DIMT1: variants seen among roughly 807,000 people sequenced by gnomAD.
The protein encoded by DIMT1 is DIM1 rRNA methyltransferase and ribosome maturation factor.
In DIMT1, 36 loss-of-function variants were observed where a neutral mutation model predicts 43.2. That is an observed-to-expected ratio of 0.83 (90% CI 0.64 to 1.10). The LOEUF is 1.10. Among genes scored for constraint, DIMT1 ranks in the 50% least tolerant of loss-of-function variants. The pLI is 0.00. For synonymous variants in DIMT1, 126 were observed against 130.3 expected, an observed-to-expected ratio of 0.97 and a Z score of 0.22; for missense variants, 341 against 385.3, an observed-to-expected ratio of 0.88 and a Z score of 0.96.
chr5:62,392,509 T>TA (rs35382223), intron 9 of DIMT1, among the ~76,000 whole-genome samples: 33,770 of 151,216 alleles, frequency 0.22, 3,868 homozygotes, highest in Middle Eastern at 0.29. Flanking sequence ...AAAAATCCCC[T>TA]AAAAAAAAAT....
Position 62,403,800 on chromosome 5 carries a change from G to A in DIMT1, c.-28C>T, listed in dbSNP as rs1742803847. Reference sequence around the variant, plus strand: ...CGGCAGAAAGCGGGCCCACAGGCCCGGGACGTCAAGGAGGACCAAAGAGGG... The same window carrying A: ...CGGCAGAAAGCGGGCCCACAGGCCCAGGACGTCAAGGAGGACCAAAGAGGG... On this transcript the variant is annotated 5_prime_UTR_variant, in exon 1 of 12. Transcript: ENST00000199320. The A allele has an allele frequency of 1.9e-6, 3 of 1,604,626 alleles. No individual in the cohort carries two copies. The highest frequency in any genetic ancestry group is 1.1e-5 in the South Asian group (1 of 90,348).
In DIMT1 at chr5:62,403,780, G is replaced by A. The variant is rs1427954845; in HGVS notation, c.-8C>T. The A allele has an allele frequency of 1.2e-6, 2 of 1,609,948 alleles. No homozygotes were observed. Among genetic ancestry groups the A allele is most frequent in the Non-Finnish European group, 1.7e-6 (2 of 1,178,640 alleles). The stretch of plus-strand genomic sequence containing the variant: ...CGACTTGACCTTCGGCATCTCGGCA[G>A]AAAGCGGGCCCACAGGCCCGGGACG... On this transcript the variant is annotated 5_prime_UTR_variant, in exon 1 of 12. Coordinates refer to ENST00000199320, the MANE Select transcript of DIMT1 (RefSeq NM_014473.4).
Position 62,403,829 on chromosome 5 carries a change from G to A in DIMT1, c.-57C>T. On this transcript the variant is annotated 5_prime_UTR_variant, in exon 1 of 12. Coordinates refer to ENST00000199320, the MANE Select transcript of DIMT1 (RefSeq NM_014473.4). ...CGTCAAGGAGGACCAAAGAGGGCTA[G>A]CGTGAGAAAGCCACCACGTGGGGAT... 1.3e-6 allele frequency: 2 copies of A among 1,554,470 alleles called. No individual in the cohort carries two copies. The highest frequency in any genetic ancestry group is 1.4e-5 in the African/African-American group (1 of 73,098).
At chr5:62,393,084 T>G in intron 8 of DIMT1, 94 bp from the exon 9 acceptor site, 2 of 727,382 alleles carry the variant, frequency 2.7e-6, no homozygotes, top group Non-Finnish European at 4.4e-6. Flanking sequence ...TATATACAAT[T>G]GAAGGAAACT....
intron 10 of DIMT1, 42 bp downstream of exon 10, chr5:62,392,127 AAG>A (rs1159696128): frequency 1.9e-5 from 31 of 1,607,010 alleles, no homozygotes; most frequent in Non-Finnish European, 2.6e-5. Context: ...GACATTTTAA[AAG>A]AAAACAAATC....
At chr5:62,393,861 A>T in intron 8 of DIMT1, 94 bp downstream of exon 8, 1 of 1,044,822 alleles carries the variant, frequency 9.6e-7, no homozygotes, top group South Asian at 1.6e-5. Flanking sequence ...TTGAATATTT[A>T]GGTTGATTCA....
intron 10 of DIMT1, 126 bp downstream of exon 10, chr5:62,392,045 T>C (rs766147037): frequency 7.7e-5 from 121 of 1,570,936 alleles, no homozygotes; most frequent in Middle Eastern, 1.7e-4. Flanking sequence ...AGTTATACAT[T>C]ATATATTGTC....
chr5:62,393,119 T>C, intron 8 of DIMT1, 129 bp from the exon 9 acceptor site: 1 of 548,118 alleles, frequency 1.8e-6, no homozygotes, highest in Non-Finnish European at 3.1e-6. Context: ...AAATGTTCTG[T>C]AATCTTGATC....
At chr5:62,392,134 CAA>C (rs1200070040) in intron 10 of DIMT1, 35 bp downstream of exon 10, 9 of 1,606,274 alleles carry the variant, frequency 5.6e-6, no homozygotes, top group Non-Finnish European at 7.7e-6. Flanking sequence ...TAAAAGAAAA[CAA>C]ATCAATGAAA....
intron 9 of DIMT1, among the ~76,000 whole-genome samples, chr5:62,392,543 C>T (rs1244537932): frequency 2.6e-5 from 4 of 152,102 alleles, no homozygotes; most frequent in African/African-American, 9.7e-5. Context: ...AAAACTGTGT[C>T]TCACCTCTCT....
At chr5:62,403,653 C>T in intron 1 of DIMT1, 41 bp downstream of exon 1, 1 of 1,579,448 alleles carries the variant, frequency 6.3e-7, no homozygotes, top group Non-Finnish European at 8.6e-7. Context: ...TGCCGGAAGA[C>T]CTGACCCGAC....
At chr5:62,395,022 T>A (rs1037701975) in intron 6 of DIMT1, among the ~76,000 whole-genome samples, 1 of 147,238 alleles carries the variant, frequency 6.8e-6, no homozygotes, top group African/African-American at 2.4e-5. Flanking sequence ...TTAAAAGATG[T>A]AGACTTTTTT....
Position 62,393,943 on chromosome 5 carries a change from T to C in DIMT1, c.663+12A>G. 6.2e-7 allele frequency: 1 copy of C among 1,604,904 alleles called. No individual in the cohort carries two copies. The highest frequency in any genetic ancestry group is 1.7e-4 in the Middle Eastern group (1 of 5,974). On this transcript the variant is annotated intron_variant, in intron 8 of 11. Coordinates refer to ENST00000199320, the MANE Select transcript of DIMT1 (RefSeq NM_014473.4). Reference sequence around the variant, plus strand: ...TTTTCCTTTATTGAATGAGCTAGTATTTTAACCTCACCTGAAAATTGATGG... The same window carrying C: ...TTTTCCTTTATTGAATGAGCTAGTACTTTAACCTCACCTGAAAATTGATGG...
Position 62,394,531 on chromosome 5 carries a change from GTC to G in DIMT1, c.521_522del (p.Arg174ThrfsTer4), listed in dbSNP as rs1742412971. On this transcript the variant is annotated frameshift_variant, in exon 7 of 12. Transcript: ENST00000199320. LOFTEE classifies it high-confidence loss of function. ...VAKPGDKLYC[R>X]LSINTQLLAR... is the part of the protein sequence containing the mutation. ...GCCAACAGCTGTGTATTAATTGAGAGTCTGCAGTATAACTTATCTCCAGGTTT... is the reference window on the plus strand; with the variant it reads ...GCCAACAGCTGTGTATTAATTGAGAGTGCAGTATAACTTATCTCCAGGTTT... 3 of 1,614,080 alleles carry G rather than the reference GTC, an allele frequency of 1.9e-6. No individual in the cohort carries two copies. Among genetic ancestry groups the G allele is most frequent in the African/African-American group, 1.3e-5 (1 of 74,938 alleles).
intron 6 of DIMT1, among the ~76,000 whole-genome samples, chr5:62,397,578 A>G (rs1278088250): frequency 6.6e-6 from 1 of 152,060 alleles, no homozygotes; most frequent in East Asian, 1.9e-4. Flanking sequence ...CATCTTCAAC[A>G]TTGTCTCAGC....
rs759007563 is a variant in DIMT1 at position 62,403,776 on chromosome 5, G to A, written c.-4C>T. On this transcript the variant is annotated 5_prime_UTR_variant, in exon 1 of 12. Transcript: ENST00000199320. ...CCCCCGACTTGACCTTCGGCATCTC[G>A]GCAGAAAGCGGGCCCACAGGCCCGG... The A allele has an allele frequency of 5.0e-6, 8 of 1,609,828 alleles. No homozygotes were observed. Among genetic ancestry groups the A allele is most frequent in the Admixed American group, 3.3e-5 (2 of 59,746 alleles).
Position 62,393,958 on chromosome 5 carries a change from A to C in DIMT1, c.660T>G (p.Phe220Leu). Residue 220 changes from phenylalanine to leucine, a missense_variant, in exon 8 of 12, where the codon TTT becomes TTG. By Grantham distance (22) the Phe-to-Leu change is conservative (BLOSUM62 0). Coordinates refer to ENST00000199320, the MANE Select transcript of DIMT1 (RefSeq NM_014473.4). ...TGAGCTAGTATTTTAACCTCACCTG[A>C]AAATTGATGGGTGGTGGTGGATTCT... ...EPKNPPPPIN[F>L]QEWDGLVRIT... 3 of 1,607,270 alleles carry C rather than the reference A, an allele frequency of 1.9e-6. No homozygotes were observed. Among genetic ancestry groups the C allele is most frequent in the Non-Finnish European group, 2.5e-6 (3 of 1,178,212 alleles).
At position 62,403,821 on chromosome 5, in the gene DIMT1, G is replaced by A. The variant is rs772067205; in HGVS notation, c.-49C>T. ...GCCCGGGACGTCAAGGAGGACCAAA[G>A]AGGGCTAGCGTGAGAAAGCCACCAC... On this transcript the variant is annotated 5_prime_UTR_variant, in exon 1 of 12. Coordinates refer to ENST00000199320, the MANE Select transcript of DIMT1 (RefSeq NM_014473.4). 7.0e-6 allele frequency: 11 copies of A among 1,577,108 alleles called. No homozygotes were observed. The highest frequency in any genetic ancestry group is 9.5e-6 in the Non-Finnish European group (11 of 1,158,644).
At chr5:62,391,071 A>C in intron 10 of DIMT1, 89 bp from the exon 11 acceptor site, 1 of 1,029,872 alleles carries the variant, frequency 9.7e-7, no homozygotes, top group Non-Finnish European at 1.5e-6. Context: ...GTCATAAAAT[A>C]GTCACCTTTA....
Sources: gnomAD v4.1 joint callset for allele counts (sites outside exome capture counted in the v4.1 genomes callset) on GRCh38, gnomAD v4.1.1 for gene constraint, MANE v1.5 for transcripts, NCBI Gene and HGNC (gene_info 2026-07-23, HGNC 2026-07-21) for gene names.